Variants in B9D1 observed in about 807,000 individuals in gnomAD.
The protein encoded by B9D1 is B9 domain-containing protein 1.
Under a neutral mutation model 26.1 loss-of-function variants are expected in B9D1, and 20 were observed. The ratio of observed to expected loss-of-function variants is 0.77; its 90% CI spans 0.54 to 1.12. The LOEUF (loss-of-function observed/expected upper bound fraction) is 1.12. Ranked by LOEUF, B9D1 falls within the 50% of genes most tolerant of loss-of-function variation. The probability of loss-of-function intolerance (pLI) is 0.00; values close to 1 mark genes in which losing one functional copy is unlikely to be tolerated. For synonymous variants in B9D1, 105 were observed against 103.1 expected (o/e 1.02, Z -0.11); for missense variants, 260 against 273.7 (o/e 0.95, Z 0.35).
At chr17:19,356,215 C>G (rs547473330) in intron 3 of B9D1, among the ~76,000 whole-genome samples, 5 of 152,168 alleles carry the variant, frequency 3.3e-5, no homozygotes, top group South Asian at 2.1e-4. Flanking sequence ...CCTCAGCCCC[C>G]CAAGTAGCTA....
intron 1 of B9D1, among the ~76,000 whole-genome samples, chr17:19,376,852 C>T (rs914748305): frequency 3.3e-5 from 5 of 149,834 alleles, no homozygotes; most frequent in African/African-American, 1.0e-4. Flanking sequence ...ACCAAAAAAC[C>T]CTAGGTCTCC....
chr17:19,347,736 G>A lies in B9D1; in HGVS notation c.341+48C>T, dbSNP rs758519832. 1.9e-6 allele frequency: 3 copies of A among 1,566,810 alleles called. No individual in the cohort carries two copies. The highest frequency in any genetic ancestry group is 2.6e-6 in the Non-Finnish European group (3 of 1,139,512). On this transcript the variant is annotated intron_variant, in intron 4 of 6. Coordinates refer to ENST00000261499, the MANE Select transcript of B9D1 (RefSeq NM_015681.6). This position sits in a 1 kb window ranked among gnomAD's most constrained non-coding sequence, Gnocchi z 4.3. ...TAAGACAGAAAACGAGGTGAAGTCT[G>A]TCCTAGGACAAGTCCTGCCCAGGGC... is the stretch of plus-strand genomic sequence containing the variant.
chr17:19,337,835 A>G, downstream of B9D1: 1 of 680,612 alleles, frequency 1.5e-6, no homozygotes, highest in Non-Finnish European at 2.4e-6. Context: ...CACCAGTGCC[A>G]GAATTAGGCC....
At chr17:19,362,438 C>CG (rs1240297787) in intron 1 of B9D1, 69 bp downstream of exon 1, 4 of 1,247,034 alleles carry the variant, frequency 3.2e-6, no homozygotes, top group East Asian at 2.6e-5. Flanking sequence ...CAGGGCAGCC[C>CG]GGGGGGTTGC....
downstream of B9D1, among the ~76,000 whole-genome samples, chr17:19,342,221 T>G (rs887069466): frequency 6.6e-6 from 1 of 152,170 alleles, no homozygotes; most frequent in Non-Finnish European, 1.5e-5. Context: ...GGGAACTTCC[T>G]ATTCCGAGAA....
rs1911297725 is a variant in B9D1, at chr17:19,362,698, G to A, written c.-129C>T. The A allele has an allele frequency of 4.6e-6, 7 of 1,526,690 alleles. No individual in the cohort carries two copies. The highest frequency in any genetic ancestry group is 2.0e-5 in the Admixed American group (1 of 50,598). 94.6% of individuals were successfully genotyped at this position (1,526,690 alleles called of 1,614,324 possible). The stretch of plus-strand genomic sequence containing the variant: ...TCTTGGCAGCGACACCTTCGCGAAG[G>A]CCACGCGAGTGCGCGTGTGGCATGC... On this transcript the variant is annotated 5_prime_UTR_variant, in exon 1 of 7. Coordinates refer to ENST00000261499, the MANE Select transcript of B9D1 (RefSeq NM_015681.6).
downstream of B9D1, chr17:19,337,759 A>C: frequency 6.6e-7 from 1 of 1,524,642 alleles, no homozygotes; most frequent in Non-Finnish European, 8.8e-7. Context: ...CTATGAAGGG[A>C]AAAATGGACA....
At position 19,347,823 on chromosome 17, in the gene B9D1, C is replaced by T. The variant is rs148240978; in HGVS notation, c.302G>A (p.Arg101Gln). The change falls in exon 4 of 7, where the codon CGA (arginine) becomes CAA (glutamine). Residue 101 changes from arginine (R) to glutamine (Q), a missense_variant. Coordinates refer to ENST00000261499, the MANE Select transcript of B9D1 (RefSeq NM_015681.6). This position sits in a 1 kb window ranked among gnomAD's most constrained non-coding sequence, Gnocchi z 4.3. ...GPDVFGNDVVRGYGAVHVPFS... is the reference protein window; with the variant it reads ...GPDVFGNDVVQGYGAVHVPFS... ...GGGCACGTGCACGGCCCCATAGCCTCGAACCACATCGTTCCCGAACACATC... is the reference window on the plus strand; with the variant it reads ...GGGCACGTGCACGGCCCCATAGCCTTGAACCACATCGTTCCCGAACACATC... 7.3e-5 allele frequency: 118 copies of T among 1,613,938 alleles called. No homozygotes were observed. Among genetic ancestry groups the T allele is most frequent in the Non-Finnish European group, 9.8e-5 (116 of 1,180,010 alleles).
At chr17:19,346,267 G>A (rs1908758782) in intron 5 of B9D1, among the ~76,000 whole-genome samples, 2 of 152,202 alleles carry the variant, frequency 1.3e-5, no homozygotes, top group Admixed American at 1.3e-4. Context: ...GGGGCAGTAG[G>A]CACACAAATT....
At chr17:19,356,900 A>G (rs1251328564) in intron 3 of B9D1, among the ~76,000 whole-genome samples, 2 of 152,110 alleles carry the variant, frequency 1.3e-5, no homozygotes, top group Non-Finnish European at 2.9e-5. Flanking sequence ...TACCTATTGC[A>G]CTGTTCCAGG....
chr17:19,343,872 G>A lies in B9D1; in HGVS notation c.405-15C>T, dbSNP rs1272687616. On this transcript the variant is annotated splice_polypyrimidine_tract_variant and intron_variant, in intron 5 of 6. Coordinates refer to ENST00000261499, the MANE Select transcript of B9D1 (RefSeq NM_015681.6). ...CCATGAACCAGCTGGGAACACAGAA[G>A]AACACAGGTGAGCAGGGCCCCACCT... 6.2e-7 allele frequency: 1 copy of A among 1,613,780 alleles called. No homozygotes were observed. Among genetic ancestry groups the A allele is most frequent in the African/African-American group, 1.3e-5 (1 of 75,028 alleles).
rs1416511364 is a variant in B9D1 at position 19,370,409 on chromosome 17, GGGCGTGT to G, written c.-298+7443_-298+7449del. ...GAGAAGAGCAGAGGGCCAGGAGAAG[GGGCGTGT>G]GGCTGTGTGGTTGACATCTCGATGA... On this transcript the variant is annotated intron_variant, in intron 1 of 5. Coordinates refer to the B9D1 transcript ENST00000477478. This position sits in a 1 kb window ranked among gnomAD's most constrained non-coding sequence, Gnocchi z 5.1. Among the ~76,000 whole-genome samples, 2 of 152,222 alleles carry G rather than the reference GGGCGTGT, an allele frequency of 1.3e-5. No homozygotes were observed. The highest frequency in any genetic ancestry group is 2.9e-5 in the Non-Finnish European group (2 of 68,038).
At chr17:19,376,582 C>T (rs1361035726) in intron 1 of B9D1, among the ~76,000 whole-genome samples, 1 of 139,296 alleles carries the variant, frequency 7.2e-6, no homozygotes, top group Non-Finnish European at 1.5e-5. Flanking sequence ...GAGTTCGAGA[C>T]CAGCCAGGCC....
At position 19,362,721 on chromosome 17, in the gene B9D1, T is replaced by A. The variant is rs755124247; in HGVS notation, c.-152A>T. The A allele has an allele frequency of 3.5e-6, 5 of 1,419,544 alleles. No homozygotes were observed. In the African/African-American group the frequency reaches 4.3e-5, roughly 12 times the overall value. 87.9% of individuals were successfully genotyped at this position (1,419,544 alleles called of 1,614,324 possible). A position where few individuals can be genotyped will look rare whatever the true frequency, so the allele number is the denominator to read the frequency against. Reference sequence around the variant, plus strand: ...AGGCCACGCGAGTGCGCGTGTGGCATGCGCAGGCGCAGTGAACGGGCGCCG... The same window carrying A: ...AGGCCACGCGAGTGCGCGTGTGGCAAGCGCAGGCGCAGTGAACGGGCGCCG... On this transcript the variant is annotated 5_prime_UTR_variant, in exon 1 of 7. The change abolishes an upstream ATG in the 5' untranslated region. Coordinates refer to ENST00000261499, the MANE Select transcript of B9D1 (RefSeq NM_015681.6).
intron 3 of B9D1, among the ~76,000 whole-genome samples, chr17:19,356,088 A>G (rs8072440): frequency 0.96 from 146,086 of 152,148 alleles, 70,535 homozygotes; most frequent in African/African-American, 0.99. Context: ...CTTTCTCCAA[A>G]GAGTTTTCTT....
At chr17:19,361,361 G>A (rs1195835178) in intron 1 of B9D1, among the ~76,000 whole-genome samples, 9 of 152,168 alleles carry the variant, frequency 5.9e-5, no homozygotes. Context: ...AGGACCACTG[G>A]TGTAAGGGAA....
At chr17:19,366,020 C>T (rs1343053417), upstream of B9D1, among the ~76,000 whole-genome samples, 1 of 151,960 alleles carries the variant, frequency 6.6e-6, no homozygotes, top group East Asian at 1.9e-4. Flanking sequence ...CAGAGAACTC[C>T]TATGTAGCCT....
chr17:19,346,378 C>T (rs1908783797), intron 5 of B9D1, among the ~76,000 whole-genome samples: 1 of 152,224 alleles, frequency 6.6e-6, no homozygotes, highest in African/African-American at 2.4e-5. Context: ...GTCCCTCCAC[C>T]CAGCAGGGCT....
At position 19,370,216 on chromosome 17, in the gene B9D1, G is replaced by A. The variant is rs903570546; in HGVS notation, c.-298+7643C>T. Among the ~76,000 whole-genome samples, 3 of 152,240 alleles carry A rather than the reference G, an allele frequency of 2.0e-5. No individual in the cohort carries two copies. The highest frequency in any genetic ancestry group is 6.5e-5 in the Admixed American group (1 of 15,282). ...GATGGGGCAGCTGTTGCAGGAACAC[G>A]ATTTGAGTTGTTTTTTGAAAGATTG... On this transcript the variant is annotated intron_variant, in intron 1 of 5. Transcript: ENST00000477478. This position sits in a 1 kb window ranked among gnomAD's most constrained non-coding sequence, Gnocchi z 5.1.
Sources: gnomAD v4.1 joint callset for allele counts (sites outside exome capture counted in the v4.1 genomes callset) on GRCh38, gnomAD v4.1.1 for gene constraint, Gnocchi (gnomAD v3.1) non-coding constraint, MANE v1.5 for transcripts, NCBI Gene and HGNC (gene_info 2026-07-23, HGNC 2026-07-21) for gene names.